GIMAP7: variants seen among roughly 807,000 people sequenced by gnomAD.
GIMAP7 encodes the protein GTPase, IMAP family member 7, also known as GTPase IMAP family member 7.
For synonymous variants in GIMAP7, 137 were observed against 129.3 expected (o/e 1.06, Z -0.40); for missense variants, 323 against 359.7 (o/e 0.90, Z 0.83).
At chr7:150,516,572 A>G (rs554334812) in intron 1 of GIMAP7, among the ~76,000 whole-genome samples, 1 of 152,248 alleles carries the variant, frequency 6.6e-6, no homozygotes, top group Non-Finnish European at 1.5e-5. Flanking sequence ...TTCCCTGAAG[A>G]TCTCATAATT....
chr7:150,520,531 T>G lies in GIMAP7; in HGVS notation c.557T>G (p.Val186Gly). The change falls in exon 2 of 2, where the codon GTG becomes GGG. Residue 186 changes from valine (V) to glycine (G), a missense_variant. By Grantham distance (109) the Val-to-Gly change is moderately radical. Coordinates refer to ENST00000313543, the MANE Select transcript of GIMAP7 (RefSeq NM_153236.4). The part of the protein sequence containing the change: ...AEKESQVQEL[V>G]ELIEKMVQCN... Reference sequence around the variant, plus strand: ...AAGGAAAGTCAAGTGCAGGAGTTGGTGGAGCTGATAGAGAAAATGGTGCAG... The same window carrying G: ...AAGGAAAGTCAAGTGCAGGAGTTGGGGGAGCTGATAGAGAAAATGGTGCAG... 1.2e-6 allele frequency: 2 copies of G among 1,614,074 alleles called. No homozygotes were observed. The highest frequency in any genetic ancestry group is 1.7e-6 in the Non-Finnish European group (2 of 1,180,006).
intron 1 of GIMAP7, among the ~76,000 whole-genome samples, 193 bp from the exon 2 acceptor site, chr7:150,519,741 G>T (rs62501523): frequency 0.094 from 14,237 of 152,190 alleles, 851 homozygotes; most frequent in East Asian, 0.15. Context: ...ACTTTGTGGG[G>T]AAACTCTTTA....
chr7:150,519,828 A>T, intron 1 of GIMAP7, 106 bp from the exon 2 acceptor site: 1 of 636,120 alleles, frequency 1.6e-6, no homozygotes, highest in African/African-American at 1.8e-5. Context: ...TATGGATAAT[A>T]GGATATTACA....
chr7:150,520,323 G>C lies in GIMAP7; in HGVS notation c.349G>C (p.Ala117Pro). The C allele has an allele frequency of 6.2e-7, 1 of 1,614,052 alleles. No individual in the cohort carries two copies. The highest frequency in any genetic ancestry group is 1.1e-5 in the South Asian group (1 of 91,084). The change falls in exon 2 of 2, where the codon GCT (alanine) becomes CCT (proline). Residue 117 changes from alanine to proline, a missense_variant. Coordinates refer to ENST00000313543, the MANE Select transcript of GIMAP7 (RefSeq NM_153236.4). The part of the protein sequence containing the change: ...EEQKTVALIK[A>P]VFGKSAMKHM... ...GCAGAAAACCGTTGCATTGATCAAG[G>C]CTGTCTTTGGGAAGTCAGCCATGAA...
At chr7:150,518,436 T>C (rs1161258055) in intron 1 of GIMAP7, among the ~76,000 whole-genome samples, 1 of 152,132 alleles carries the variant, frequency 6.6e-6, no homozygotes, top group Non-Finnish European at 1.5e-5. Flanking sequence ...TTTTTAATTA[T>C]TTTTCTCTAT....
At position 150,520,453 on chromosome 7, in the gene GIMAP7, G is replaced by C; in HGVS notation, c.479G>C (p.Cys160Ser). Reference sequence around the variant, plus strand: ...GGCCTAAAAAGCATCGTCAAGGAGTGCGGGAACCGCTGCTGTGCCTTTAGC... The same window carrying C: ...GGCCTAAAAAGCATCGTCAAGGAGTCCGGGAACCGCTGCTGTGCCTTTAGC... ...DVGLKSIVKE[C>S]GNRCCAFSNS... Residue 160 changes from cysteine to serine, a missense_variant, in exon 2 of 2, where the codon TGC becomes TCC. Physicochemically the swap from Cys to Ser is moderately radical, Grantham distance 112. Transcript: ENST00000313543. The C allele has an allele frequency of 6.2e-7, 1 of 1,614,218 alleles. No individual in the cohort carries two copies. The highest frequency in any genetic ancestry group is 1.1e-5 in the South Asian group (1 of 91,088).
intron 1 of GIMAP7, among the ~76,000 whole-genome samples, chr7:150,515,735 T>TTTTAACACTTGAGAAAG (rs1554498496): frequency 1.4e-5 from 2 of 144,840 alleles, no homozygotes; most frequent in Non-Finnish European, 3.1e-5. Context: ...CTTGAGAAAG[T>TTTTAACACTTGAGAAAG]TTTAAAACTT....
chr7:150,515,735 T>TTTTAAAACTTGAGAGAG (rs1563300955), intron 1 of GIMAP7, among the ~76,000 whole-genome samples: 4 of 144,840 alleles, frequency 2.8e-5, no homozygotes, highest in Admixed American at 6.8e-5. Context: ...CTTGAGAAAG[T>TTTTAAAACTTGAGAGAG]TTTAAAACTT....
intron 1 of GIMAP7, among the ~76,000 whole-genome samples, chr7:150,517,984 G>C (rs1054509193): frequency 3.9e-5 from 6 of 151,988 alleles, no homozygotes; most frequent in Admixed American, 3.9e-4. Context: ...TTATATAAAT[G>C]ATAGTAAACT....
In GIMAP7 at chr7:150,520,959, G is replaced by A; in HGVS notation, c.*82G>A. On this transcript the variant is annotated 3_prime_UTR_variant, in exon 2 of 2. Coordinates refer to ENST00000313543, the MANE Select transcript of GIMAP7 (RefSeq NM_153236.4). The stretch of plus-strand genomic sequence containing the variant: ...CCTCCTTCCCCTTAGCTTTATTAAG[G>A]TATCATTGATAAATAAAAATAAAAT... The A allele has an allele frequency of 1.8e-6, 1 of 569,150 alleles. No individual in the cohort carries two copies. The highest frequency in any genetic ancestry group is 2.0e-5 in the African/African-American group (1 of 49,684). 35.3% of individuals were successfully genotyped at this position (569,150 alleles called of 1,614,324 possible).
intron 1 of GIMAP7, among the ~76,000 whole-genome samples, chr7:150,519,546 C>A (rs984826808): frequency 6.6e-6 from 1 of 152,004 alleles, no homozygotes; most frequent in Non-Finnish European, 1.5e-5. Flanking sequence ...TGAGACACAT[C>A]TTTAGTTTTC....
Position 150,517,166 on chromosome 7 carries a change from A to T in GIMAP7, c.-42+2221A>T, listed in dbSNP as rs148365841. Among the ~76,000 whole-genome samples the T allele has an allele frequency of 3.3e-5, 5 of 152,300 alleles. No homozygotes were observed. In the East Asian group the frequency reaches 9.6e-4, roughly 29 times the overall value. ...CCTTTAGTTGTCAATGTTCAGAATG[A>T]TGAGTCACTTTCTTAGCATACTCCA... is the stretch of plus-strand genomic sequence containing the variant. On this transcript the variant is annotated intron_variant, in intron 1 of 1. Transcript: ENST00000313543.
chr7:150,520,593 A>G lies in GIMAP7; in HGVS notation c.619A>G (p.Lys207Glu). Reference protein sequence around the residue: ...EGAYFSDDIYKDTEERLKQRE... With the variant: ...EGAYFSDDIYEDTEERLKQRE... Reference sequence around the variant, plus strand: ...GGCTTACTTTTCTGATGACATATACAAGGACACAGAGGAAAGGCTGAAACA... The same window carrying G: ...GGCTTACTTTTCTGATGACATATACGAGGACACAGAGGAAAGGCTGAAACA... Residue 207 changes from lysine to glutamate, a missense_variant, in exon 2 of 2, where the codon AAG (lysine) becomes GAG (glutamate). By Grantham distance (56) the Lys-to-Glu change is moderately conservative. Transcript: ENST00000313543. 1 of 1,614,224 alleles carries G rather than the reference A, an allele frequency of 6.2e-7. No homozygotes were observed. The highest frequency in any genetic ancestry group is 1.1e-5 in the South Asian group (1 of 91,084).
chr7:150,519,392 A>G (rs555836379), intron 1 of GIMAP7, among the ~76,000 whole-genome samples: 11 of 152,262 alleles, frequency 7.2e-5, no homozygotes, highest in Admixed American at 1.3e-4. Flanking sequence ...TTTCTTCTTA[A>G]CCTATTAACG....
At position 150,520,050 on chromosome 7, in the gene GIMAP7, A is replaced by G; in HGVS notation, c.76A>G (p.Asn26Asp). ...KTGSGKSATA[N>D]TILGEEIFDS... Reference sequence around the variant, plus strand: ...TGGAAGTGGGAAAAGTGCAACAGCGAACACCATCCTTGGAGAGGAAATCTT... The same window carrying G: ...TGGAAGTGGGAAAAGTGCAACAGCGGACACCATCCTTGGAGAGGAAATCTT... The change falls in exon 2 of 2, where the codon AAC (asparagine) becomes GAC (aspartate). Residue 26 changes from asparagine (N) to aspartate (D), a missense_variant. Physicochemically the swap from Asn to Asp is conservative, Grantham distance 23. Coordinates refer to ENST00000313543, the MANE Select transcript of GIMAP7 (RefSeq NM_153236.4). The G allele has an allele frequency of 6.2e-7, 1 of 1,614,166 alleles. No individual in the cohort carries two copies. The highest frequency in any genetic ancestry group is 8.5e-7 in the Non-Finnish European group (1 of 1,180,022).
In GIMAP7 at chr7:150,520,852, C is replaced by A. The variant is rs975579781; in HGVS notation, c.878C>A (p.Ser293Ter). The A allele has an allele frequency of 1.6e-5, 23 of 1,467,336 alleles. No individual in the cohort carries two copies. Among genetic ancestry groups the A allele is most frequent in the Non-Finnish European group, 1.8e-5 (20 of 1,106,226 alleles). The allele number at this position is 1,467,336 out of a possible 1,614,324, so 90.9% of individuals were successfully genotyped here. Residue 293 changes from serine to a stop codon, truncating the protein, a stop_gained, in exon 2 of 2, where the codon TCG becomes TAG. Coordinates refer to ENST00000313543, the MANE Select transcript of GIMAP7 (RefSeq NM_153236.4). LOFTEE classifies it high-confidence loss of function. ...TCAGAAATATGGCATAGGTTTTTGT[C>A]GAAATGTAAGTTTTATTCTTCCTAA... is the stretch of plus-strand genomic sequence containing the variant. The part of the protein sequence containing the change: ...MLSEIWHRFL[S>*]KCKFYSS
intron 1 of GIMAP7, among the ~76,000 whole-genome samples, chr7:150,519,617 A>G (rs1304256783): frequency 6.6e-6 from 1 of 152,184 alleles, no homozygotes; most frequent in East Asian, 1.9e-4. Flanking sequence ...AGAAAAAAAA[A>G]GTAACTTTTT....
At chr7:150,516,266 T>C (rs1795137016) in intron 1 of GIMAP7, among the ~76,000 whole-genome samples, 1 of 152,248 alleles carries the variant, frequency 6.6e-6, no homozygotes, top group East Asian at 1.9e-4. Context: ...TTAATTTTTT[T>C]ATTTGTGAAA....
At chr7:150,516,363 CT>C (rs1795137773) in intron 1 of GIMAP7, among the ~76,000 whole-genome samples, 13 of 152,188 alleles carry the variant, frequency 8.5e-5, no homozygotes, top group South Asian at 2.1e-4. Context: ...TTATGCCAGT[CT>C]TGTTCAAATA....
Sources: allele counts gnomAD v4.1 joint callset (sites outside exome capture counted in the v4.1 genomes callset), GRCh38; gene constraint gnomAD v4.1.1; transcripts MANE v1.5; gene names NCBI Gene and HGNC (gene_info 2026-07-23, HGNC 2026-07-21).